Variants in EVC observed in about 807,000 individuals in gnomAD.
EVC encodes evC complex member EVC.
Under a neutral mutation model 118.9 loss-of-function variants are expected in EVC, and 116 were observed. The observed-to-expected ratio is 0.98, with a 90% CI of 0.84 to 1.14. The LOEUF (loss-of-function observed/expected upper bound fraction) is 1.14. EVC is among the 50% of genes most tolerant of loss of function. The pLI, the probability that EVC is intolerant of heterozygous loss-of-function variation, is 0.00. For missense variants in EVC, 1,401 were observed against 1,246.4 expected (o/e 1.12, Z -1.87); for synonymous variants, 619 against 534.7 (o/e 1.16, Z -2.18).
chr4:5,713,710 C>G (rs919413997), intron 1 of EVC, among the ~76,000 whole-genome samples: 19 of 141,480 alleles, frequency 1.3e-4, no homozygotes, highest in African/African-American at 4.6e-4. Flanking sequence ...TAGAGACCAG[C>G]CTGACCAACA....
intron 16 of EVC, 85 bp downstream of exon 16, chr4:5,802,179 G>C (rs1715135309): frequency 1.3e-6 from 2 of 1,503,908 alleles, no homozygotes; most frequent in South Asian, 2.3e-5. Flanking sequence ...GTCAGATACT[G>C]TGAATTTTAT....
chr4:5,751,105 C>T (rs1411718913), intron 8 of EVC, among the ~76,000 whole-genome samples: 1 of 152,196 alleles, frequency 6.6e-6, no homozygotes, highest in Non-Finnish European at 1.5e-5. Context: ...ATGGTGAAAA[C>T]AGCTGACACT....
intron 2 of EVC, among the ~76,000 whole-genome samples, chr4:5,724,825 C>T (rs1166703179): frequency 6.6e-6 from 1 of 151,868 alleles, no homozygotes; most frequent in African/African-American, 2.4e-5. Context: ...GCTGCTTAAC[C>T]TAGGTGTTAA....
intron 11 of EVC, among the ~76,000 whole-genome samples, chr4:5,771,557 C>T (rs1238960398): frequency 1.3e-5 from 2 of 152,170 alleles, no homozygotes; most frequent in Non-Finnish European, 2.9e-5. Context: ...TTTAGGGAGA[C>T]ATTCTGTGTA....
rs768418516 is a variant in EVC, at chr4:5,719,201, A to C, written c.175-47A>C. 1.9e-6 allele frequency: 3 copies of C among 1,613,338 alleles called. No individual in the cohort carries two copies. The East Asian group carries it at 6.7e-5, about 36-fold the overall frequency. ...GGTGGGGACCAGGCCGACTGACCTCAATGTTGTGTTTCTATCCACCCCCAA... is the reference window on the plus strand; with the variant it reads ...GGTGGGGACCAGGCCGACTGACCTCCATGTTGTGTTTCTATCCACCCCCAA... On this transcript the variant is annotated intron_variant, in intron 1 of 20. Coordinates refer to ENST00000264956, the MANE Select transcript of EVC (RefSeq NM_153717.3). The surrounding 1 kb of genome is among the most constrained non-coding windows in gnomAD (Gnocchi z 4.7).
rs367863826 is a variant in EVC at position 5,783,732 on chromosome 4, C to G, written c.1744C>G (p.Leu582Val). Residue 582 changes from leucine (L) to valine (V), a missense_variant, in exon 12 of 21, where the codon CTC becomes GTC. By Grantham distance (32) the Leu-to-Val change is conservative. Coordinates refer to ENST00000264956, the MANE Select transcript of EVC (RefSeq NM_153717.3). ...TCGCTTCCGGAGGCAGCAGTGGAAACTCTTCCAGGAGCTCCTAGAGCAAGA... is the reference window on the plus strand; with the variant it reads ...TCGCTTCCGGAGGCAGCAGTGGAAAGTCTTCCAGGAGCTCCTAGAGCAAGA... ...SNRFRRQQWK[L>V]FQELLEQDQQ... The G allele has an allele frequency of 1.4e-4, 218 of 1,613,560 alleles. No homozygotes were observed. Among genetic ancestry groups the G allele is most frequent in the Non-Finnish European group, 1.7e-4 (205 of 1,179,776 alleles).
the EVC span, chr4:5,825,568 G>A: frequency 1.9e-6 from 3 of 1,600,490 alleles, no homozygotes; most frequent in African/African-American, 2.7e-5. This position sits in a 1 kb window ranked among gnomAD's most constrained non-coding sequence, Gnocchi z 4.4. Context: ...AGATTTGGCT[G>A]AAGGAGCGGG....
chr4:5,828,466 C>A, the EVC span: 1 of 1,607,232 alleles, frequency 6.2e-7, no homozygotes, highest in South Asian at 1.1e-5. Flanking sequence ...CGGGTGGGCC[C>A]GCTCCCCTGC....
rs1714376920 is a variant in EVC, at chr4:5,798,473, T to A, written c.2098-113T>A. ...GCCACCTCTTTCTGCCCTTTCTCCA[T>A]CCCTTTTCCAACCCCTGGGCCCTGG... On this transcript the variant is annotated intron_variant, in intron 14 of 20. Coordinates refer to ENST00000264956, the MANE Select transcript of EVC (RefSeq NM_153717.3). The surrounding 1 kb of genome is among the most constrained non-coding windows in gnomAD (Gnocchi z 4.1). 9.2e-7 allele frequency: 1 copy of A among 1,082,526 alleles called. No homozygotes were observed. Among genetic ancestry groups the A allele is most frequent in the Non-Finnish European group, 1.4e-6 (1 of 724,456 alleles). 67.1% of individuals were successfully genotyped at this position (1,082,526 alleles called of 1,614,324 possible).
At position 5,797,127 on chromosome 4, in the gene EVC, A is replaced by T. The variant is rs1438458032; in HGVS notation, c.1992A>T (p.Leu664=). 1 of 1,613,600 alleles carries T rather than the reference A, an allele frequency of 6.2e-7. No homozygotes were observed. Among genetic ancestry groups the T allele is most frequent in the Non-Finnish European group, 8.5e-7 (1 of 1,180,000 alleles). The stretch of plus-strand genomic sequence containing the variant: ...TGGCCACCCTGACGCAGATGCGGCT[A>T]TCGGGGAAGAAGCACCTCCTGCAGG... ...NALATLTQMR[L]SGKKHLLQEL... Residue 664 remains leucine, a synonymous_variant, in exon 14 of 21, where the codon CTA becomes CTT. Coordinates refer to ENST00000264956, the MANE Select transcript of EVC (RefSeq NM_153717.3).
At chr4:5,734,306 A>G (rs1392993457) in intron 5 of EVC, among the ~76,000 whole-genome samples, 1 of 152,204 alleles carries the variant, frequency 6.6e-6, no homozygotes, top group Non-Finnish European at 1.5e-5. Context: ...ACACACAGAT[A>G]TGTCTACAGG....
downstream of EVC, among the ~76,000 whole-genome samples, chr4:5,816,619 T>C (rs1243751861): frequency 7.4e-6 from 1 of 134,932 alleles, no homozygotes; most frequent in Non-Finnish European, 1.6e-5. Flanking sequence ...TCTGTCCTTC[T>C]TTTCTCCCTC....
chr4:5,780,520 T>A (rs950086384), intron 11 of EVC, among the ~76,000 whole-genome samples: 2 of 152,200 alleles, frequency 1.3e-5, no homozygotes, highest in African/African-American at 4.8e-5. Flanking sequence ...GATTGAGTGA[T>A]ATTATGCAAA....
At chr4:5,724,769 G>C (rs557613400) in intron 2 of EVC, among the ~76,000 whole-genome samples, 2 of 152,024 alleles carry the variant, frequency 1.3e-5, no homozygotes, top group African/African-American at 4.8e-5. Context: ...TACACATGCA[G>C]GATGTGCATC....
At chr4:5,726,148 G>T (rs1361562709) in intron 2 of EVC, among the ~76,000 whole-genome samples, 1 of 152,210 alleles carries the variant, frequency 6.6e-6, no homozygotes, top group African/African-American at 2.4e-5. Context: ...TTATTCCAAG[G>T]TGAACTTTGT....
intron 11 of EVC, among the ~76,000 whole-genome samples, chr4:5,767,619 C>T (rs1733141316): frequency 6.6e-6 from 1 of 151,800 alleles, no homozygotes; most frequent in African/African-American, 2.4e-5. Context: ...GTTTTTTAAG[C>T]CCGTCGGAAA....
rs1717328032 is a variant in EVC, at chr4:5,814,195, CTTA to C, written c.*3163_*3165del. 6.6e-6 allele frequency: 1 copy of C among 152,316 alleles called. No individual in the cohort carries two copies. Among genetic ancestry groups the C allele is most frequent in the African/African-American group, 2.4e-5 (1 of 41,458 alleles). The allele number at this position is 152,316 out of a possible 1,614,324, so 9.4% of individuals were successfully genotyped here. A position where few individuals can be genotyped will look rare whatever the true frequency, so the allele number is the denominator to read the frequency against. On this transcript the variant is annotated 3_prime_UTR_variant, in exon 21 of 21. Coordinates refer to ENST00000264956, the MANE Select transcript of EVC (RefSeq NM_153717.3). Reference sequence around the variant, plus strand: ...GCCTCCATTTTGGTTACCATCCCCACTTATTATGGGCTGTGGGCTGTTATGGTG... The same window carrying C: ...GCCTCCATTTTGGTTACCATCCCCACTTATGGGCTGTGGGCTGTTATGGTG...
intron 11 of EVC, among the ~76,000 whole-genome samples, chr4:5,757,558 AC>A: frequency 6.6e-6 from 1 of 152,150 alleles, no homozygotes; most frequent in South Asian, 2.1e-4. Context: ...AACAGGATTG[AC>A]TTCTGGTGAG....
In EVC at chr4:5,742,039, T is replaced by A. The variant is rs759399951; in HGVS notation, c.801+225T>A. 2.0e-5 allele frequency among the ~76,000 whole-genome samples: 3 copies of A among 151,754 alleles called. No individual in the cohort carries two copies. The highest frequency in any genetic ancestry group is 2.0e-4 in the Admixed American group (3 of 15,228). ...AGCAAAGAGAATAATATTGGTCATA[T>A]CTACTACTCAAAGACGGTCACTGTT... On this transcript the variant is annotated intron_variant, in intron 6 of 20. Coordinates refer to ENST00000264956, the MANE Select transcript of EVC (RefSeq NM_153717.3). The surrounding 1 kb of genome is among the most constrained non-coding windows in gnomAD (Gnocchi z 5.2).
Sources: allele counts gnomAD v4.1 joint callset (sites outside exome capture counted in the v4.1 genomes callset), GRCh38; gene constraint gnomAD v4.1.1; non-coding constraint Gnocchi (gnomAD v3.1); transcripts MANE v1.5; gene names NCBI Gene and HGNC (gene_info 2026-07-23, HGNC 2026-07-21).